Variants in IQSEC1 observed in about 807,000 individuals in gnomAD.
IQSEC1 encodes the protein IQ motif and SEC7 domain-containing protein 1.
IQSEC1 carries 31 observed loss-of-function variants against 91.0 expected under a neutral mutation model. The ratio of observed to expected loss-of-function variants is 0.34; its 90% CI spans 0.26 to 0.46. The LOEUF (loss-of-function observed/expected upper bound fraction) is 0.46. IQSEC1 is among the 20% of genes least tolerant of loss of function. The pLI is 1.00. For missense variants in IQSEC1, 1,388 were observed against 1,575.6 expected (o/e 0.88, Z 2.02); for synonymous variants, 699 against 662.6 (o/e 1.05, Z -0.84).
rs377621883 is a variant in IQSEC1 at position 12,961,516 on chromosome 3, T to C, written c.24-19651A>G. ...GTCCATGGGCTTAGTCACTTCTTAC[T>C]GTGTCTGCCATCTGTCATACCACCA... On this transcript the variant is annotated intron_variant, in intron 1 of 13. Coordinates refer to ENST00000613206, the MANE Select transcript of IQSEC1 (RefSeq NM_001134382.3). Among the ~76,000 whole-genome samples the C allele has an allele frequency of 1.2e-4, 18 of 152,366 alleles. No individual in the cohort carries two copies. In the East Asian group the frequency reaches 3.5e-3, roughly 29 times the overall value.
intron 1 of IQSEC1, among the ~76,000 whole-genome samples, chr3:13,062,099 C>A (rs1705086026): frequency 6.6e-6 from 1 of 152,196 alleles, no homozygotes; most frequent in South Asian, 2.1e-4. Context: ...GAAGCCAGAT[C>A]GTGGGCTATT....
chr3:12,905,775 T>A (rs1020243363), intron 12 of IQSEC1, among the ~76,000 whole-genome samples: 2 of 152,196 alleles, frequency 1.3e-5, no homozygotes, highest in African/African-American at 2.4e-5. Context: ...TGCAGGCAGG[T>A]CCTCTCCGTA....
chr3:13,094,741 C>T (rs1705925642), intron 2 of IQSEC1, among the ~76,000 whole-genome samples: 1 of 152,208 alleles, frequency 6.6e-6, no homozygotes, highest in African/African-American at 2.4e-5. Context: ...GGCTGACAGG[C>T]TCCAGCAGCC....
intron 2 of IQSEC1, among the ~76,000 whole-genome samples, chr3:13,098,523 C>T (rs1165932790): frequency 6.6e-6 from 1 of 151,986 alleles, no homozygotes; most frequent in East Asian, 1.9e-4. Flanking sequence ...GTGAGGGTTT[C>T]CACTAAAATA....
chr3:12,910,252 C>T (rs1020491083), intron 10 of IQSEC1, among the ~76,000 whole-genome samples: 2 of 152,192 alleles, frequency 1.3e-5, no homozygotes, highest in African/African-American at 2.4e-5. Flanking sequence ...AGTTTGAGAC[C>T]CCTGGAATGA....
At chr3:13,139,929 C>G (rs879578300) in intron 2 of IQSEC1, among the ~76,000 whole-genome samples, 15 of 152,186 alleles carry the variant, frequency 9.9e-5, no homozygotes, top group Non-Finnish European at 4.4e-5. Flanking sequence ...GCAAACACCA[C>G]AGGCCACTTT....
chr3:13,026,864 G>T (rs867717778), intron 1 of IQSEC1, among the ~76,000 whole-genome samples: 26 of 90,864 alleles, frequency 2.9e-4, no homozygotes, highest in African/African-American at 7.7e-4. Flanking sequence ...TATCTCCCCA[G>T]TTTTTTTTTT....
At chr3:13,205,471 C>T (rs1694326976) in intron 1 of IQSEC1, among the ~76,000 whole-genome samples, 1 of 151,982 alleles carries the variant, frequency 6.6e-6, no homozygotes, top group South Asian at 2.1e-4. Flanking sequence ...TTCCTTCTCT[C>T]CCTCCATCTA....
At chr3:13,170,796 T>C (rs898927958) in intron 1 of IQSEC1, among the ~76,000 whole-genome samples, 1 of 152,202 alleles carries the variant, frequency 6.6e-6, no homozygotes, top group Non-Finnish European at 1.5e-5. Context: ...CAGCAGCCTT[T>C]TGGAGTCTTT....
Position 13,273,770 on chromosome 3 carries a change from G to C in IQSEC1, c.272+8941C>G, listed in dbSNP as rs145144600. On this transcript the variant is annotated intron_variant, in intron 1 of 15. Transcript: ENST00000648114. Reference sequence around the variant, plus strand: ...TGCTCAACACCCTCCAGGGACTTCTGTCTCCCTTAGATCAAAGCCAAAGTC... The same window carrying C: ...TGCTCAACACCCTCCAGGGACTTCTCTCTCCCTTAGATCAAAGCCAAAGTC... 2.6e-5 allele frequency among the ~76,000 whole-genome samples: 4 copies of C among 152,224 alleles called. No individual in the cohort carries two copies. The East Asian group carries it at 7.8e-4, about 30-fold the overall frequency.
intron 2 of IQSEC1, among the ~76,000 whole-genome samples, chr3:13,121,816 T>G (rs1706429045): frequency 6.6e-6 from 1 of 152,162 alleles, no homozygotes. Flanking sequence ...GGCTGGGGTC[T>G]GAGCACTGAG....
chr3:12,974,739 C>T (rs373786861), intron 1 of IQSEC1, among the ~76,000 whole-genome samples: 6 of 152,220 alleles, frequency 3.9e-5, no homozygotes, highest in Non-Finnish European at 8.8e-5. Flanking sequence ...CCCCAGCTGA[C>T]GATCAAAAAT....
rs1379362531 is a variant in IQSEC1, at chr3:12,915,082, G to C, written c.2190+22C>G. On this transcript the variant is annotated intron_variant, in intron 8 of 13. Coordinates refer to ENST00000613206, the MANE Select transcript of IQSEC1 (RefSeq NM_001134382.3). ...CCAGGGCGGCGGGCTACCCACAAAGGTAAAACCAGAGAAATACTCACACAG... is the reference window on the plus strand; with the variant it reads ...CCAGGGCGGCGGGCTACCCACAAAGCTAAAACCAGAGAAATACTCACACAG... 4 of 1,597,826 alleles carry C rather than the reference G, an allele frequency of 2.5e-6. No homozygotes were observed. The Middle Eastern group carries it at 5.0e-4, about 198-fold the overall frequency.
chr3:13,154,430 C>T lies in IQSEC1; in HGVS notation c.302+9674G>A, dbSNP rs1282635749. Among the ~76,000 whole-genome samples the T allele has an allele frequency of 2.7e-4, 5 of 18,800 alleles. No individual in the cohort carries two copies. In the South Asian group the frequency reaches 0.012, roughly 46 times the overall value. The allele number at this position is 18,800 out of a possible 152,430, so 12.3% of individuals were successfully genotyped here. On this transcript the variant is annotated intron_variant, in intron 2 of 15. Coordinates refer to the IQSEC1 transcript ENST00000648114. ...ATGGAAACACACCAGGAAGCTGGAACTTACATGCATATATATATATATATA... is the reference window on the plus strand; with the variant it reads ...ATGGAAACACACCAGGAAGCTGGAATTTACATGCATATATATATATATATA...
At chr3:12,902,920 G>T in intron 12 of IQSEC1, 98 bp from the exon 13 acceptor site, 1 of 916,938 alleles carries the variant, frequency 1.1e-6, no homozygotes, top group South Asian at 1.4e-5. Flanking sequence ...CTGCACCCCT[G>T]CTGGGAGCAG....
At chr3:13,142,502 G>A (rs1706817786) in intron 2 of IQSEC1, among the ~76,000 whole-genome samples, 1 of 152,142 alleles carries the variant, frequency 6.6e-6, no homozygotes, top group Non-Finnish European at 1.5e-5. Context: ...TGATCTCTCT[G>A]ACCCACCTCT....
In IQSEC1 at chr3:12,901,538, A is replaced by G. The variant is rs1269497629; in HGVS notation, c.2806-16T>C. On this transcript the variant is annotated splice_polypyrimidine_tract_variant and intron_variant, in intron 13 of 13. Transcript: ENST00000613206. Reference sequence around the variant, plus strand: ...TGATGGACCCCTAAAAAGGAAATTCATAGAAATCAAAATTAAAAGATCTTC... The same window carrying G: ...TGATGGACCCCTAAAAAGGAAATTCGTAGAAATCAAAATTAAAAGATCTTC... 2 of 1,537,464 alleles carry G rather than the reference A, an allele frequency of 1.3e-6. No homozygotes were observed. The highest frequency in any genetic ancestry group is 2.8e-5 in the African/African-American group (2 of 72,380).
intron 1 of IQSEC1, among the ~76,000 whole-genome samples, chr3:13,195,242 A>T (rs1042219878): frequency 2.0e-5 from 3 of 152,236 alleles, no homozygotes; most frequent in African/African-American, 7.2e-5. Context: ...GAAACGGTTC[A>T]ATGATGTTAG....
At position 12,901,035 on chromosome 3, in the gene IQSEC1, G is replaced by A. The variant is rs892806708; in HGVS notation, c.3293C>T (p.Pro1098Leu). 4.1e-5 allele frequency: 63 copies of A among 1,542,898 alleles called. No homozygotes were observed. The Admixed American group carries it at 4.1e-4, about 10-fold the overall frequency. Reference sequence around the variant, plus strand: ...TTTGGCCTTGCTGCTGGTGGGGGGCGGCGGGGCAGGGGGCTGCCCATGGTG... The same window carrying A: ...TTTGGCCTTGCTGCTGGTGGGGGGCAGCGGGGCAGGGGGCTGCCCATGGTG... Reference protein sequence around the residue: ...VHHHGQPPAPPPPTSSKAKPS... With the variant: ...VHHHGQPPAPLPPTSSKAKPS... The change falls in exon 14 of 14, where the codon CCG becomes CTG. Residue 1098 changes from proline to leucine, a missense_variant. By Grantham distance (98) the Pro-to-Leu change is moderately conservative. Around this residue, in one of 2 missense-constraint regions of IQSEC1, gnomAD observed 329 missense variants for 257.8 expected, o/e 1.28. Coordinates refer to ENST00000613206, the MANE Select transcript of IQSEC1 (RefSeq NM_001134382.3).
Sources: gnomAD v4.1 joint callset for allele counts (sites outside exome capture counted in the v4.1 genomes callset) on GRCh38, gnomAD v4.1.1 for gene constraint, gnomAD v4.1.1 regional missense constraint, MANE v1.5 for transcripts, NCBI Gene and HGNC (gene_info 2026-07-23, HGNC 2026-07-21) for gene names.